Variants in CDH4 observed in about 807,000 individuals in gnomAD.
CDH4 encodes cadherin-4.
CDH4 carries 33 observed loss-of-function variants against 86.0 expected under a neutral mutation model. The ratio of observed to expected loss-of-function variants is 0.38; its 90% CI spans 0.29 to 0.51. The LOEUF (loss-of-function observed/expected upper bound fraction) is 0.51. Among genes scored for constraint, CDH4 ranks in the 20% least tolerant of loss-of-function variants. The pLI, the probability that CDH4 is intolerant of heterozygous loss-of-function variation, is 0.86. For synonymous variants in CDH4, 555 were observed against 549.4 expected (o/e 1.01, Z -0.14); for missense variants, 1,114 against 1,307.4 (o/e 0.85, Z 2.28).
chr20:61,410,987 C>T (rs1018899689), intron 2 of CDH4, among the ~76,000 whole-genome samples: 10 of 152,040 alleles, frequency 6.6e-5, no homozygotes, highest in Admixed American at 5.9e-4. Flanking sequence ...CATCATCCAC[C>T]CACACATCCA....
intron 2 of CDH4, among the ~76,000 whole-genome samples, chr20:61,536,871 C>T (rs534226632): frequency 7.9e-5 from 12 of 152,288 alleles, no homozygotes; most frequent in East Asian, 3.9e-4. Context: ...GTGTGTTCAG[C>T]GCAGGGGCTG....
chr20:61,333,291 A>G (rs2084595179), intron 2 of CDH4, among the ~76,000 whole-genome samples: 1 of 151,804 alleles, frequency 6.6e-6, no homozygotes, highest in Non-Finnish European at 1.5e-5. Context: ...ACACACATGC[A>G]CACACACCTG....
At chr20:61,744,501 GGAAAGGGAGGGGAGAGGAAGA>G (rs1205901268) in intron 3 of CDH4, among the ~76,000 whole-genome samples, 8 of 18,454 alleles carry the variant, frequency 4.3e-4, no homozygotes, top group Middle Eastern at 0.026. Context: ...AGAGAGAGAA[GGAAAGGGAGGGGAGAGGAAGA>G]GAGGGAGAGA....
intron 15 of CDH4, 119 bp downstream of exon 15, chr20:61,934,339 C>G (rs2055153300): frequency 8.9e-7 from 1 of 1,125,284 alleles, no homozygotes; most frequent in Non-Finnish European, 1.2e-6. Context: ...TGGGAGGCAG[C>G]TCAGACCCGG....
At chr20:61,760,235 G>A (rs1568800437) in intron 3 of CDH4, among the ~76,000 whole-genome samples, 2 of 152,200 alleles carry the variant, frequency 1.3e-5, no homozygotes, top group African/African-American at 2.4e-5. Flanking sequence ...GGTTTGTGAG[G>A]CTAATTAGGA....
chr20:61,318,833 T>C (rs2084492327), intron 2 of CDH4, among the ~76,000 whole-genome samples: 1 of 152,250 alleles, frequency 6.6e-6, no homozygotes, highest in Admixed American at 6.5e-5. Context: ...CATGTAATGT[T>C]TCTTTTCATT....
rs200988698 is a variant in CDH4, at chr20:61,479,594, C to T, written c.169+224657C>T. Among the ~76,000 whole-genome samples the T allele has an allele frequency of 1.1e-3, 174 of 152,334 alleles. 3 individuals carry two copies. In the East Asian group the frequency reaches 0.029, roughly 26 times the overall value. On this transcript the variant is annotated intron_variant, in intron 2 of 15. Transcript: ENST00000614565. ...TAGACTGGATTAAGAAAATGTGGCA[C>T]ATATATACCATGGAATACTATGCAG... is the stretch of plus-strand genomic sequence containing the variant.
rs904808718 is a variant in CDH4, at chr20:61,663,547, A to AG, written c.170-80011dup. On this transcript the variant is annotated intron_variant, in intron 2 of 15. Transcript: ENST00000614565. This position sits in a 1 kb window ranked among gnomAD's most constrained non-coding sequence, Gnocchi z 5.0. ...GGGGCCGGAGGAAGGTGAACAGGGC[A>AG]GGGGGCAGTGGGGCTGGATTTTATC... is the stretch of plus-strand genomic sequence containing the variant. 9.2e-5 allele frequency among the ~76,000 whole-genome samples: 14 copies of AG among 152,114 alleles called. No homozygotes were observed. The highest frequency in any genetic ancestry group is 1.9e-4 in the Non-Finnish European group (13 of 68,014).
At chr20:61,638,713 G>T (rs1479250465) in intron 2 of CDH4, among the ~76,000 whole-genome samples, 1 of 152,214 alleles carries the variant, frequency 6.6e-6, no homozygotes, top group Non-Finnish European at 1.5e-5. Context: ...CTTTGAAAAT[G>T]GGTTGGTTTC....
intron 2 of CDH4, among the ~76,000 whole-genome samples, chr20:61,280,009 T>C (rs2084250372): frequency 1.3e-5 from 2 of 151,894 alleles, no homozygotes; most frequent in South Asian, 4.2e-4. Context: ...ACTCCATCGG[T>C]GGGGTTGCCT....
chr20:61,452,061 C>T (rs992754185), intron 2 of CDH4, among the ~76,000 whole-genome samples: 10 of 152,212 alleles, frequency 6.6e-5, no homozygotes, highest in African/African-American at 2.4e-5. Context: ...GGAGCATTCG[C>T]GCTTTTCCTT....
At chr20:61,383,473 A>ATATATATGATATATATGAAATATAT (rs1308003746) in intron 2 of CDH4, among the ~76,000 whole-genome samples, 1 of 82,470 alleles carries the variant, frequency 1.2e-5, no homozygotes, top group Admixed American at 1.4e-4. Flanking sequence ...ATATATATGA[A>ATATATATGATATATATGAAATATAT]TATATATGAT....
chr20:61,452,058 T>G lies in CDH4; in HGVS notation c.169+197121T>G, dbSNP rs952051083. 2.0e-5 allele frequency among the ~76,000 whole-genome samples: 3 copies of G among 152,320 alleles called. No individual in the cohort carries two copies. In the East Asian group the frequency reaches 5.8e-4, roughly 29 times the overall value. Reference sequence around the variant, plus strand: ...GCCCCTTCCTGAGAACCTGGAGCATTCGCGCTTTTCCTTTCATTTGTGGAT... The same window carrying G: ...GCCCCTTCCTGAGAACCTGGAGCATGCGCGCTTTTCCTTTCATTTGTGGAT... On this transcript the variant is annotated intron_variant, in intron 2 of 15. Coordinates refer to ENST00000614565, the MANE Select transcript of CDH4 (RefSeq NM_001794.5).
intron 4 of CDH4, among the ~76,000 whole-genome samples, chr20:61,778,666 G>A (rs67176328): frequency 0.026 from 3,901 of 152,134 alleles, 166 homozygotes; most frequent in African/African-American, 0.088. Context: ...TACCCACACC[G>A]CGGAGGGAAC....
chr20:61,465,388 TCTC>T (rs2085466699), intron 2 of CDH4, among the ~76,000 whole-genome samples: 1 of 152,098 alleles, frequency 6.6e-6, no homozygotes, highest in African/African-American at 2.4e-5. Context: ...CTTCTCCAAT[TCTC>T]CTCTCTTTTC....
At chr20:61,469,960 T>C (rs888191077) in intron 2 of CDH4, among the ~76,000 whole-genome samples, 1 of 152,206 alleles carries the variant, frequency 6.6e-6, no homozygotes, top group African/African-American at 2.4e-5. Flanking sequence ...TTGGTTACTA[T>C]AGCTTTGTAG....
intron 2 of CDH4, among the ~76,000 whole-genome samples, chr20:61,705,918 A>T (rs566110598): frequency 3.3e-5 from 5 of 152,276 alleles, no homozygotes; most frequent in African/African-American, 1.2e-4. Flanking sequence ...CCCAGATGTG[A>T]TGTGCTGAGC....
intron 4 of CDH4, among the ~76,000 whole-genome samples, chr20:61,823,069 G>A (rs1011112134): frequency 4.6e-5 from 7 of 152,136 alleles, no homozygotes; most frequent in Non-Finnish European, 1.0e-4. Flanking sequence ...CCACAGTTCC[G>A]GTCCCAAAAC....
At chr20:61,508,052 A>G (rs540378645) in intron 2 of CDH4, among the ~76,000 whole-genome samples, 1 of 152,370 alleles carries the variant, frequency 6.6e-6, no homozygotes, top group Admixed American at 6.5e-5. Context: ...GAGTGAGACC[A>G]TGCTGGGCAT....
Sources: gnomAD v4.1 joint callset for allele counts (sites outside exome capture counted in the v4.1 genomes callset) on GRCh38, gnomAD v4.1.1 for gene constraint, Gnocchi (gnomAD v3.1) non-coding constraint, MANE v1.5 for transcripts, NCBI Gene and HGNC (gene_info 2026-07-23, HGNC 2026-07-21) for gene names.